The following IL1RAPL2 variants were observed in gnomAD, a reference collection of about 807,000 sequenced individuals.
The protein encoded by IL1RAPL2 is X-linked interleukin-1 receptor accessory protein-like 2.
Under a neutral mutation model 44.1 loss-of-function variants are expected in IL1RAPL2, and 3 were observed. The observed-to-expected ratio is 0.07, with a 90% CI of 0.03 to 0.18. IL1RAPL2 has a LOEUF of 0.18. IL1RAPL2 is among the 10% of genes least tolerant of loss of function. The pLI is 1.00. For synonymous variants in IL1RAPL2, 181 were observed against 178.8 expected (o/e 1.01, Z -0.10); for missense variants, 391 against 496.4 (o/e 0.79, Z 2.02).
At chrX:105,075,050 T>C (rs765980872) in intron 2 of IL1RAPL2, among the ~76,000 whole-genome samples, 1 of 111,530 alleles carries the variant, frequency 9.0e-6, no homozygotes, top group East Asian at 2.8e-4. Flanking sequence ...TCCTGCCTGA[T>C]TGCCCTGGCC....
In IL1RAPL2 at chrX:105,602,305, C is replaced by G. The variant is rs766059678; in HGVS notation, c.773-115062C>G. The stretch of plus-strand genomic sequence containing the variant: ...AGACACTGCACTCTGTGCATGTCCC[C>G]CAGTGACCAAGCACTAGCTCACATG... On this transcript the variant is annotated intron_variant, in intron 6 of 10. Transcript: ENST00000372582. Among the ~76,000 whole-genome samples the G allele has an allele frequency of 2.7e-5, 3 of 110,298 alleles. No homozygotes were observed. In the South Asian group the frequency reaches 1.2e-3, roughly 44 times the overall value.
At chrX:104,914,452 T>C (rs1368879807) in intron 2 of IL1RAPL2, among the ~76,000 whole-genome samples, 1 of 112,147 alleles carries the variant, frequency 8.9e-6, no homozygotes, top group African/African-American at 3.2e-5. Context: ...CATAATACTA[T>C]ACAACCATTT....
chrX:105,726,853 C>A (rs1289284664), intron 7 of IL1RAPL2, among the ~76,000 whole-genome samples: 1 of 110,291 alleles, frequency 9.1e-6, no homozygotes, highest in Admixed American at 9.8e-5. Context: ...ACAAAACTTT[C>A]TTCCTTCCTT....
At chrX:105,161,169 C>A (rs1489215304) in intron 2 of IL1RAPL2, among the ~76,000 whole-genome samples, 1 of 110,255 alleles carries the variant, frequency 9.1e-6, no homozygotes, top group Admixed American at 9.8e-5. Flanking sequence ...AGTGAGCCAT[C>A]ATTGTGCCAC....
At chrX:104,916,131 TG>T (rs1924420332) in intron 2 of IL1RAPL2, among the ~76,000 whole-genome samples, 1 of 111,901 alleles carries the variant, frequency 8.9e-6, no homozygotes, top group Admixed American at 9.5e-5. Flanking sequence ...TTGATGGGGA[TG>T]GCATTGAATC....
At position 104,935,351 on chromosome X, in the gene IL1RAPL2, C is replaced by A. The variant is rs1395584955; in HGVS notation, c.83-260124C>A. 6.3e-5 allele frequency among the ~76,000 whole-genome samples: 7 copies of A among 111,943 alleles called. No homozygotes were observed. In the South Asian group the frequency reaches 1.8e-3, roughly 29 times the overall value. ...TTCTCTATGAATTGCCCATGTGTGACTTTTGACATTTTTTTTGGTTTTATA... is the reference window on the plus strand; with the variant it reads ...TTCTCTATGAATTGCCCATGTGTGAATTTTGACATTTTTTTTGGTTTTATA... On this transcript the variant is annotated intron_variant, in intron 2 of 10. Coordinates refer to ENST00000372582, the MANE Select transcript of IL1RAPL2 (RefSeq NM_017416.2).
At chrX:105,024,256 T>A (rs1045518881) in intron 2 of IL1RAPL2, among the ~76,000 whole-genome samples, 6 of 111,712 alleles carry the variant, frequency 5.4e-5, no homozygotes, top group Non-Finnish European at 9.5e-5. Flanking sequence ...ACAAATTGCT[T>A]TCTGCCCATC....
At chrX:105,491,978 C>T (rs2036323014) in intron 6 of IL1RAPL2, among the ~76,000 whole-genome samples, 2 of 111,971 alleles carry the variant, frequency 1.8e-5, no homozygotes, top group African/African-American at 6.5e-5. Flanking sequence ...GTCCTCTATG[C>T]ATACATTGGT....
At chrX:105,624,674 C>T (rs1434463376) in intron 6 of IL1RAPL2, among the ~76,000 whole-genome samples, 3 of 111,232 alleles carry the variant, frequency 2.7e-5, no homozygotes, top group South Asian at 7.4e-4. Context: ...ATTATAGCCA[C>T]GTGCCGCCTT....
chrX:104,875,691 C>T (rs945102669), intron 2 of IL1RAPL2, among the ~76,000 whole-genome samples: 2 of 111,875 alleles, frequency 1.8e-5, no homozygotes, highest in Admixed American at 9.5e-5. Context: ...ATCAACTTCT[C>T]AGAGACAGTT....
At chrX:104,916,779 G>T (rs76354734) in intron 2 of IL1RAPL2, among the ~76,000 whole-genome samples, 2 of 111,072 alleles carry the variant, frequency 1.8e-5, no homozygotes, top group African/African-American at 6.6e-5. Context: ...TTAGCATGAA[G>T]GGTTGTTGAA....
intron 6 of IL1RAPL2, among the ~76,000 whole-genome samples, chrX:105,655,841 G>A (rs988407330): frequency 3.6e-5 from 4 of 111,477 alleles, no homozygotes; most frequent in Non-Finnish European, 5.7e-5. Flanking sequence ...ATTTTTGTGG[G>A]TACATAGGAG....
At chrX:104,752,807 G>C (rs980275293) in intron 2 of IL1RAPL2, among the ~76,000 whole-genome samples, 3 of 110,469 alleles carry the variant, frequency 2.7e-5, no homozygotes, top group Non-Finnish European at 5.7e-5. Flanking sequence ...GGTTGAACAT[G>C]GTTCTGTATT....
intron 6 of IL1RAPL2, among the ~76,000 whole-genome samples, chrX:105,698,560 C>T (rs1569466771): frequency 8.9e-6 from 1 of 111,818 alleles, no homozygotes; most frequent in East Asian, 2.8e-4. Flanking sequence ...TATCAAATGA[C>T]TTCCAAGAAA....
intron 2 of IL1RAPL2, among the ~76,000 whole-genome samples, chrX:104,783,637 T>G (rs910517404): frequency 9.1e-6 from 1 of 109,757 alleles, no homozygotes; most frequent in Non-Finnish European, 1.9e-5. Flanking sequence ...TAAATCTGTT[T>G]TTATTGCTCA....
At chrX:105,364,683 G>T (rs1214796913) in intron 5 of IL1RAPL2, among the ~76,000 whole-genome samples, 1 of 110,250 alleles carries the variant, frequency 9.1e-6, no homozygotes, top group Non-Finnish European at 1.9e-5. Context: ...TGTAAATGAC[G>T]TTTTAAAAAA....
chrX:104,718,101 A>T lies in IL1RAPL2; in HGVS notation c.82+59106A>T, dbSNP rs749999394. On this transcript the variant is annotated intron_variant, in intron 2 of 10. Coordinates refer to ENST00000372582, the MANE Select transcript of IL1RAPL2 (RefSeq NM_017416.2). Reference sequence around the variant, plus strand: ...TGTCTTTATAGCAGCATGATTTATAATCCTTTGGGTATATACCCAATAATG... The same window carrying T: ...TGTCTTTATAGCAGCATGATTTATATTCCTTTGGGTATATACCCAATAATG... Among the ~76,000 whole-genome samples the T allele has an allele frequency of 1.9e-4, 21 of 110,987 alleles. No individual in the cohort carries two copies. The South Asian group carries it at 6.5e-3, about 34-fold the overall frequency.
intron 2 of IL1RAPL2, among the ~76,000 whole-genome samples, chrX:104,741,469 T>C (rs1174435304): frequency 9.0e-6 from 1 of 110,991 alleles, no homozygotes; most frequent in African/African-American, 3.3e-5. Context: ...GTATCGTAAA[T>C]TTTTTTAAAC....
In IL1RAPL2 at chrX:105,277,669, G is replaced by A. The variant is rs140189236; in HGVS notation, c.697+10128G>A. On this transcript the variant is annotated intron_variant, in intron 5 of 10. Transcript: ENST00000372582. ...GCAATTTAATAGATATTTCAATTCT[G>A]TAACTCATAGGCATAACTAATGGTG... Among the ~76,000 whole-genome samples the A allele has an allele frequency of 8.3e-3, 924 of 111,260 alleles. 8 individuals carry two copies. Among genetic ancestry groups the A allele is most frequent in the Middle Eastern group, 0.014 (3 of 215 alleles).
Sources: allele counts gnomAD v4.1 joint callset (sites outside exome capture counted in the v4.1 genomes callset), GRCh38; gene constraint gnomAD v4.1.1; transcripts MANE v1.5; gene names NCBI Gene and HGNC (gene_info 2026-07-23, HGNC 2026-07-21).